Variants in NXPE2 observed in about 807,000 individuals in gnomAD.
NXPE2 encodes NXPE family member 2.
A neutral mutation model predicts 34.4 loss-of-function variants in NXPE2; 34 were observed. The ratio of observed to expected loss-of-function variants is 0.99; its 90% CI spans 0.75 to 1.31. NXPE2 has a LOEUF of 1.31. Among genes scored for constraint, NXPE2 ranks in the 40% most tolerant of loss-of-function variants. NXPE2 has a pLI of 0.00. For synonymous variants in NXPE2, 235 were observed against 231.3 expected (o/e 1.02, Z -0.15); for missense variants, 649 against 672.5 (o/e 0.97, Z 0.39).
chr11:114,605,988 G>A, the NXPE2 span, among the ~76,000 whole-genome samples: 1 of 151,738 alleles, frequency 6.6e-6, no homozygotes, highest in Non-Finnish European at 1.5e-5. Context: ...TTGTTACCAG[G>A]TGGATACTAA....
chr11:114,535,512 A>C, the NXPE2 span, among the ~76,000 whole-genome samples: 1 of 152,214 alleles, frequency 6.6e-6, no homozygotes, highest in Non-Finnish European at 1.5e-5. Flanking sequence ...GTCAAGACCC[A>C]TCAGTGTGCT....
the NXPE2 span, among the ~76,000 whole-genome samples, chr11:114,733,269 A>G: frequency 6.6e-6 from 1 of 152,010 alleles, no homozygotes; most frequent in Non-Finnish European, 1.5e-5. Context: ...AATTTTTTGT[A>G]TTTTTAGTAC....
At chr11:114,594,308 C>A in the NXPE2 span, among the ~76,000 whole-genome samples, 1 of 152,046 alleles carries the variant, frequency 6.6e-6, no homozygotes, top group South Asian at 2.1e-4. Context: ...AATACATACA[C>A]CTACTTTGTA....
chr11:114,471,868 A>G, the NXPE2 span, among the ~76,000 whole-genome samples: 2 of 152,238 alleles, frequency 1.3e-5, no homozygotes, highest in African/African-American at 4.8e-5. Context: ...AGAATAAAAA[A>G]TAGAATAAAA....
the NXPE2 span, among the ~76,000 whole-genome samples, chr11:114,759,478 T>C: frequency 6.6e-6 from 1 of 152,230 alleles, no homozygotes; most frequent in African/African-American, 2.4e-5. Flanking sequence ...TATTACATCC[T>C]TTTAACTAAC....
chr11:114,711,954 T>G (rs1440641621), downstream of NXPE2, among the ~76,000 whole-genome samples: 1 of 152,080 alleles, frequency 6.6e-6, no homozygotes, highest in Non-Finnish European at 1.5e-5. Context: ...CTGGCATATC[T>G]GGCTACATGA....
chr11:114,557,882 A>G, the NXPE2 span, among the ~76,000 whole-genome samples: 1 of 151,844 alleles, frequency 6.6e-6, no homozygotes, highest in Non-Finnish European at 1.5e-5. Context: ...TGCGGGCTAT[A>G]CAATTCTAGA....
At chr11:114,583,713 A>G in the NXPE2 span, 3 of 560,578 alleles carry the variant, frequency 5.4e-6, no homozygotes, top group Admixed American at 5.8e-5. Flanking sequence ...TGTTATGTTA[A>G]TGATACAATC....
chr11:114,621,189 C>G, the NXPE2 span, among the ~76,000 whole-genome samples: 1 of 152,116 alleles, frequency 6.6e-6, no homozygotes, highest in Non-Finnish European at 1.5e-5. Flanking sequence ...TCGTGGGTAA[C>G]CACTGTTACC....
At chr11:114,633,333 C>T in the NXPE2 span, among the ~76,000 whole-genome samples, 1 of 136,346 alleles carries the variant, frequency 7.3e-6, no homozygotes, top group African/African-American at 2.7e-5. Context: ...TGTGGTATTA[C>T]ATTTTATTAT....
chr11:114,802,724 G>A, the NXPE2 span, among the ~76,000 whole-genome samples: 1 of 152,058 alleles, frequency 6.6e-6, no homozygotes, highest in African/African-American at 2.4e-5. Flanking sequence ...TGATGTGTCT[G>A]TCTATATCTC....
the NXPE2 span, among the ~76,000 whole-genome samples, chr11:114,569,895 C>G: frequency 6.6e-6 from 1 of 152,160 alleles, no homozygotes; most frequent in Admixed American, 6.5e-5. Context: ...TTTCTGTGGA[C>G]AGTGGACCTT....
At chr11:114,708,927 C>G (rs1859556264), downstream of NXPE2, among the ~76,000 whole-genome samples, 1 of 152,224 alleles carries the variant, frequency 6.6e-6, no homozygotes, top group South Asian at 2.1e-4. Flanking sequence ...ACCTTCTCTT[C>G]ACATGCACTG....
chr11:114,475,265 A>G, the NXPE2 span, among the ~76,000 whole-genome samples: 2 of 65,544 alleles, frequency 3.1e-5, no homozygotes, highest in Non-Finnish European at 6.2e-5. Flanking sequence ...TTTTTTTGAG[A>G]TGGAGTCTCG....
chr11:114,739,830 TTCAG>T, the NXPE2 span, among the ~76,000 whole-genome samples: 1 of 152,206 alleles, frequency 6.6e-6, no homozygotes, highest in Admixed American at 6.5e-5. Context: ...AGTGAGATCA[TTCAG>T]TATTTGTCTC....
At chr11:114,644,098 T>C in the NXPE2 span, among the ~76,000 whole-genome samples, 2 of 152,212 alleles carry the variant, frequency 1.3e-5, no homozygotes, top group African/African-American at 4.8e-5. Flanking sequence ...TTTTTGCACA[T>C]TGATTTTGTA....
the NXPE2 span, among the ~76,000 whole-genome samples, chr11:114,507,755 A>G: frequency 6.6e-6 from 1 of 152,146 alleles, no homozygotes; most frequent in African/African-American, 2.4e-5. Context: ...TCAAAATAAG[A>G]GCCATATATG....
the NXPE2 span, among the ~76,000 whole-genome samples, chr11:114,810,739 G>C: frequency 2.0e-5 from 3 of 152,236 alleles, no homozygotes; most frequent in South Asian, 6.2e-4. Context: ...CATTGTTGGT[G>C]GGACTATAAA....
the NXPE2 span, among the ~76,000 whole-genome samples, chr11:114,801,954 G>T: frequency 6.6e-6 from 1 of 152,096 alleles, no homozygotes; most frequent in Admixed American, 6.5e-5. Context: ...CAGATCTATG[G>T]GTGTAGAGGT....
Sources: allele counts gnomAD v4.1 joint callset (sites outside exome capture counted in the v4.1 genomes callset), GRCh38; gene constraint gnomAD v4.1.1; transcripts MANE v1.5; gene names NCBI Gene and HGNC (gene_info 2026-07-23, HGNC 2026-07-21).